The following KIAA1217 variants were observed in gnomAD, a reference collection of about 807,000 sequenced individuals.
KIAA1217 encodes sickle tail protein homolog.
In KIAA1217, 88 loss-of-function variants were observed where a neutral mutation model predicts 163.9. The observed-to-expected ratio is 0.54, with a 90% CI of 0.45 to 0.64. The LOEUF is 0.64. KIAA1217 is among the 30% of genes least tolerant of loss of function. KIAA1217 has a pLI of 0.00. For synonymous variants in KIAA1217, 903 were observed against 923.1 expected (o/e 0.98, Z 0.39); for missense variants, 2,372 against 2,475.0 (o/e 0.96, Z 0.88).
intron 6 of KIAA1217, among the ~76,000 whole-genome samples, chr10:24,474,595 T>C (rs913061305): frequency 2.6e-5 from 4 of 152,148 alleles, no homozygotes; most frequent in African/African-American, 9.7e-5. Context: ...TGCATGAAAA[T>C]AGAATGGCTT....
chr10:24,406,609 A>G (rs759582368), intron 3 of KIAA1217, among the ~76,000 whole-genome samples: 10 of 152,190 alleles, frequency 6.6e-5, no homozygotes, highest in Non-Finnish European at 1.5e-4. Flanking sequence ...CTTTTATCTT[A>G]CCTGAAACAT....
At chr10:24,106,467 C>T (rs2062632691) in intron 2 of KIAA1217, among the ~76,000 whole-genome samples, 1 of 151,556 alleles carries the variant, frequency 6.6e-6, no homozygotes, top group African/African-American at 2.4e-5. Flanking sequence ...TGGAAGTCCA[C>T]TCTAGCCTAC....
At chr10:23,875,303 C>T (rs763313733) in intron 1 of KIAA1217, among the ~76,000 whole-genome samples, 3 of 152,018 alleles carry the variant, frequency 2.0e-5, no homozygotes, top group African/African-American at 2.4e-5. Context: ...GGGACCAGGA[C>T]TCTGATAGGA....
intron 2 of KIAA1217, among the ~76,000 whole-genome samples, chr10:24,330,888 A>G (rs1264639982): frequency 6.6e-6 from 1 of 152,100 alleles, no homozygotes; most frequent in Non-Finnish European, 1.5e-5. Flanking sequence ...TACTGGGATT[A>G]TATGTGTGAG....
At chr10:23,900,429 AT>A (rs1841910385) in intron 1 of KIAA1217, among the ~76,000 whole-genome samples, 1 of 152,056 alleles carries the variant, frequency 6.6e-6, no homozygotes, top group Admixed American at 6.6e-5. Context: ...ATTTCCTGGC[AT>A]TTATCAGCCA....
intron 2 of KIAA1217, among the ~76,000 whole-genome samples, chr10:24,021,781 G>A (rs1030803196): frequency 4.6e-5 from 7 of 151,716 alleles, no homozygotes; most frequent in Non-Finnish European, 1.0e-4. Context: ...AGAATGAACA[G>A]CCCAGAAATT....
chr10:24,510,033 G>T (rs1158316013), intron 9 of KIAA1217, among the ~76,000 whole-genome samples: 1 of 152,086 alleles, frequency 6.6e-6, no homozygotes, highest in Non-Finnish European at 1.5e-5. Flanking sequence ...TCTAACCTGT[G>T]TTGTTCAAGT....
intron 2 of KIAA1217, chr10:24,275,724 C>A (rs11014002): frequency 1.9e-6 from 1 of 531,676 alleles, no homozygotes; most frequent in Non-Finnish European, 3.9e-6. Context: ...AATTGCAGTG[C>A]TTCCCATTTA....
intron 1 of KIAA1217, among the ~76,000 whole-genome samples, chr10:23,832,607 T>C (rs540141131): frequency 3.0e-4 from 45 of 152,262 alleles, no homozygotes; most frequent in African/African-American, 9.1e-4. Flanking sequence ...CAGTTATCAG[T>C]TGTCTTGTTA....
chr10:24,059,289 T>A (rs890719681), intron 2 of KIAA1217, among the ~76,000 whole-genome samples: 1 of 152,154 alleles, frequency 6.6e-6, no homozygotes, highest in Non-Finnish European at 1.5e-5. Context: ...TAGTATTTTG[T>A]CGGGGGTTGT....
intron 2 of KIAA1217, among the ~76,000 whole-genome samples, chr10:24,199,555 A>T (rs750055153): frequency 6.6e-6 from 1 of 152,218 alleles, no homozygotes; most frequent in African/African-American, 2.4e-5. Context: ...GAAACAAAGT[A>T]ATTTTCACTG....
At position 23,709,194 on chromosome 10, in the gene KIAA1217, C is replaced by T. The variant is rs144212804; in HGVS notation, c.-321+13960C>T. Among the ~76,000 whole-genome samples, 29 of 152,192 alleles carry T rather than the reference C, an allele frequency of 1.9e-4. 1 individual carries two copies. Among genetic ancestry groups the T allele is most frequent in the Admixed American group, 3.3e-4 (5 of 15,274 alleles). ...CTTTGGATATCTCCTCTCAGGTATT[C>T]GGCTATAGCAGTAGTGGAGGAAAAT... On this transcript the variant is annotated intron_variant, in intron 1 of 18. Transcript: ENST00000376462.
chr10:23,812,415 A>G (rs1046528484), intron 1 of KIAA1217, among the ~76,000 whole-genome samples: 7 of 152,330 alleles, frequency 4.6e-5, no homozygotes, highest in Middle Eastern at 3.4e-3. Flanking sequence ...CTTTGATTGT[A>G]TTTGGCACAG....
chr10:24,058,871 C>CT (rs973820062), intron 2 of KIAA1217, among the ~76,000 whole-genome samples: 6 of 151,798 alleles, frequency 4.0e-5, no homozygotes, highest in Admixed American at 2.6e-4. Context: ...ATGTAGATGC[C>CT]TTTTTTTTCT....
intron 1 of KIAA1217, among the ~76,000 whole-genome samples, chr10:23,704,170 G>GTATATATA (rs1314137167): frequency 1.7e-3 from 94 of 54,078 alleles, no homozygotes; most frequent in Non-Finnish European, 2.1e-3. Context: ...GTGTGTGTGT[G>GTATATATA]TGTATATATA....
chr10:24,506,309 C>T (rs994122938), intron 9 of KIAA1217, among the ~76,000 whole-genome samples: 10 of 152,176 alleles, frequency 6.6e-5, no homozygotes, highest in Non-Finnish European at 4.4e-5. Flanking sequence ...AGTCCAATTA[C>T]ATTATCCATT....
chr10:24,159,077 A>C (rs890862222), intron 2 of KIAA1217, among the ~76,000 whole-genome samples: 6 of 152,194 alleles, frequency 3.9e-5, no homozygotes, highest in African/African-American at 1.2e-4. Context: ...AAATTAAGTA[A>C]CTGAAATTCT....
At chr10:23,815,984 T>C (rs534052730) in intron 1 of KIAA1217, among the ~76,000 whole-genome samples, 5 of 152,200 alleles carry the variant, frequency 3.3e-5, no homozygotes, top group Non-Finnish European at 2.9e-5. Context: ...CTGTCTTCCC[T>C]GGATGTTAAG....
chr10:23,763,390 G>T lies in KIAA1217; in HGVS notation c.-321+68156G>T, dbSNP rs1426280925. 2.0e-5 allele frequency among the ~76,000 whole-genome samples: 3 copies of T among 152,170 alleles called. 1 individual carries two copies. The South Asian group carries it at 6.2e-4, about 32-fold the overall frequency. On this transcript the variant is annotated intron_variant, in intron 1 of 18. Coordinates refer to the KIAA1217 transcript ENST00000376462. ...CTACAAGGCTACAGTAACCAAAACAGCATGGTACTGGTACCAAGACAGGCA... is the reference window on the plus strand; with the variant it reads ...CTACAAGGCTACAGTAACCAAAACATCATGGTACTGGTACCAAGACAGGCA...
Sources: gnomAD v4.1 joint callset for allele counts (sites outside exome capture counted in the v4.1 genomes callset) on GRCh38, gnomAD v4.1.1 for gene constraint, MANE v1.5 for transcripts, NCBI Gene and HGNC (gene_info 2026-07-23, HGNC 2026-07-21) for gene names.